The following UVSSA variants were observed in gnomAD, a reference collection of about 807,000 sequenced individuals.
UVSSA encodes the protein UV stimulated scaffold protein A.
Under a neutral mutation model 73.9 loss-of-function variants are expected in UVSSA, and 72 were observed. The ratio of observed to expected loss-of-function variants is 0.97; its 90% CI spans 0.81 to 1.19. UVSSA has a LOEUF of 1.19. Among genes scored for constraint, UVSSA ranks in the 50% most tolerant of loss-of-function variants. The pLI is 0.00. For missense variants in UVSSA, 1,150 were observed against 965.0 expected, an observed-to-expected ratio of 1.19 and a Z score of -2.54; for synonymous variants, 454 against 391.3, an observed-to-expected ratio of 1.16 and a Z score of -1.89.
At chr4:1,390,297 A>G (rs540270278), downstream of UVSSA, 9 of 151,812 alleles carry the variant, frequency 5.9e-5, no homozygotes, top group South Asian at 2.1e-4. Context: ...TCTGTTATTG[A>G]CTTCTTTTCT....
At chr4:1,344,790 T>C (rs1367153541), upstream of UVSSA, among the ~76,000 whole-genome samples, 1 of 152,038 alleles carries the variant, frequency 6.6e-6, no homozygotes, top group African/African-American at 2.4e-5. Context: ...GCACGGCAGG[T>C]TTAGAAAACG....
rs779133494 is a variant in UVSSA at position 1,353,178 on chromosome 4, C to G, written c.699C>G (p.Gly233=). The G allele has an allele frequency of 6.2e-7, 1 of 1,612,748 alleles. No homozygotes were observed. The highest frequency in any genetic ancestry group is 1.7e-5 in the Admixed American group (1 of 60,018). ...ATGCCCTTCGCTCCTCCTGCGCGGG[C>G]CAGGTGGGCCCCTGCCGGTCTGGCA... ...MSDALRSSCA[G]QVGPCRSGTP... The change falls in exon 5 of 14, where the codon GGC becomes GGG. Residue 233 remains glycine (G), a synonymous_variant. Coordinates refer to ENST00000389851, the MANE Select transcript of UVSSA (RefSeq NM_020894.4).
At position 1,395,536 on chromosome 4, in the gene UVSSA, C is replaced by T. The variant is rs760142417; in HGVS notation, c.*9575C>T. 6.2e-6 allele frequency: 10 copies of T among 1,603,872 alleles called. No individual in the cohort carries two copies. The highest frequency in any genetic ancestry group is 1.7e-5 in the Admixed American group (1 of 59,074). Reference sequence around the variant, plus strand: ...CACACATGCCGATGTGGAGTGCCCGCCTGCTCACACGTGCCCATGTGGAGT... The same window carrying T: ...CACACATGCCGATGTGGAGTGCCCGTCTGCTCACACGTGCCCATGTGGAGT... On this transcript the variant is annotated 3_prime_UTR_variant, in exon 14 of 14. Transcript: ENST00000511216.
At chr4:1,359,167 CCT>C (rs1486698230) in intron 7 of UVSSA, 1 of 152,260 alleles carries the variant, frequency 6.6e-6, no homozygotes, top group Non-Finnish European at 1.5e-5. Flanking sequence ...ATTTGGAGTG[CCT>C]CTGAGTGGCT....
At position 1,369,133 on chromosome 4, in the gene UVSSA, G is replaced by GTTCTGCCT. The variant is rs1251912534; in HGVS notation, c.1288+2709_1288+2710insTTTCTGCC. Among the ~76,000 whole-genome samples the GTTCTGCCT allele has an allele frequency of 6.6e-5, 10 of 151,358 alleles. No individual in the cohort carries two copies. The East Asian group carries it at 1.9e-3, about 29-fold the overall frequency. On this transcript the variant is annotated intron_variant, in intron 8 of 13. Transcript: ENST00000389851. Reference sequence around the variant, plus strand: ...GCTAACCACGTTCTGCCGTTCTGCCGTTCTGCCGTCAGCCTTGAAGGTGCC... The same window carrying GTTCTGCCT: ...GCTAACCACGTTCTGCCGTTCTGCCGTTCTGCCTTTCTGCCGTCAGCCTTGAAGGTGCC...
chr4:1,375,538 C>T lies in UVSSA; in HGVS notation c.1433+30C>T, dbSNP rs370947232. Reference sequence around the variant, plus strand: ...CTCCCAGTGTCCTGTGTGCTGAGCCCCCTGCCCGGCGCTGCCACAGCCTCT... The same window carrying T: ...CTCCCAGTGTCCTGTGTGCTGAGCCTCCTGCCCGGCGCTGCCACAGCCTCT... On this transcript the variant is annotated intron_variant, in intron 9 of 13. Coordinates refer to ENST00000389851, the MANE Select transcript of UVSSA (RefSeq NM_020894.4). 4.7e-5 allele frequency: 75 copies of T among 1,595,760 alleles called. No homozygotes were observed. The African/African-American group carries it at 8.1e-4, about 17-fold the overall frequency.
rs762346637 is a variant in UVSSA at position 1,355,265 on chromosome 4, G to A, written c.1176+20G>A. On this transcript the variant is annotated intron_variant, in intron 7 of 13. Transcript: ENST00000389851. Reference sequence around the variant, plus strand: ...CGCAGGGTGAGTGGGCAGGCGGCGAGCGGGAAGGGGTCCCAGAGGCCTCAG... The same window carrying A: ...CGCAGGGTGAGTGGGCAGGCGGCGAACGGGAAGGGGTCCCAGAGGCCTCAG... The A allele has an allele frequency of 1.3e-6, 2 of 1,597,834 alleles. No individual in the cohort carries two copies. The highest frequency in any genetic ancestry group is 1.1e-5 in the South Asian group (1 of 88,620).
chr4:1,351,967 C>G (rs1283145549), intron 4 of UVSSA, 132 bp downstream of exon 4: 2 of 1,408,850 alleles, frequency 1.4e-6, no homozygotes, highest in African/African-American at 1.4e-5. Context: ...GGAGAGGATT[C>G]AGGTCGGGCC....
chr4:1,374,743 A>T (rs1718541499), intron 8 of UVSSA, among the ~76,000 whole-genome samples: 1 of 152,168 alleles, frequency 6.6e-6, no homozygotes, highest in Non-Finnish European at 1.5e-5. Context: ...TGGCTGTCAG[A>T]GGCGCCTGCT....
At position 1,351,866 on chromosome 4, in the gene UVSSA, C is replaced by T. The variant is rs111997159; in HGVS notation, c.550+31C>T. ...TGTCCAGGACGGAGGGAGGGGCCCA[C>T]GCCTCTGAGGGTTGCCCGTGGTCCA... On this transcript the variant is annotated intron_variant, in intron 4 of 13. Transcript: ENST00000389851. 29 of 1,609,156 alleles carry T rather than the reference C, an allele frequency of 1.8e-5. No individual in the cohort carries two copies. The Admixed American group carries it at 2.0e-4, about 11-fold the overall frequency.
At chr4:1,379,761 GGCGTCAGAA>G (rs1719225200) in intron 10 of UVSSA, among the ~76,000 whole-genome samples, 1 of 151,348 alleles carries the variant, frequency 6.6e-6, no homozygotes. Context: ...TGGTTCACGT[GGCGTCAGAA>G]TTCAGACGCA....
Position 1,348,171 on chromosome 4 carries a change from A to G in UVSSA, c.80A>G (p.Glu27Gly), listed in dbSNP as rs1479032964. 6.2e-7 allele frequency: 1 copy of G among 1,613,824 alleles called. No homozygotes were observed. Among genetic ancestry groups the G allele is most frequent in the African/African-American group, 1.3e-5 (1 of 75,076 alleles). The change falls in exon 2 of 14, where the codon GAA becomes GGA. Residue 27 changes from glutamate to glycine, a missense_variant. Physicochemically the swap from Glu to Gly is moderately conservative, Grantham distance 98 (BLOSUM62 -2). Transcript: ENST00000389851. ...CGACTAAATCCTGAGAAAATGAAGG[A>G]ACTGAAGAAAATTTGCAAGTATGTC... ...EPRLNPEKMK[E>G]LKKICKSSEE...
chr4:1,362,390 T>C (rs956023773), intron 7 of UVSSA, among the ~76,000 whole-genome samples: 2 of 152,158 alleles, frequency 1.3e-5, no homozygotes, highest in African/African-American at 4.8e-5. Context: ...AGGGAAGGTG[T>C]GGGCACGGGT....
At chr4:1,374,381 C>G (rs1486013000) in intron 8 of UVSSA, among the ~76,000 whole-genome samples, 1 of 152,238 alleles carries the variant, frequency 6.6e-6, no homozygotes, top group Non-Finnish European at 1.5e-5. Flanking sequence ...GACCGAGAGG[C>G]GCCGTCAGGG....
At chr4:1,384,001 G>A in intron 13 of UVSSA, 61 bp downstream of exon 13, 1 of 1,520,048 alleles carries the variant, frequency 6.6e-7, no homozygotes, top group Admixed American at 2.2e-5. Flanking sequence ...GGTGTTCGAG[G>A]GGGGCCATCT....
At chr4:1,373,250 C>G (rs1036072423) in intron 8 of UVSSA, among the ~76,000 whole-genome samples, 6 of 152,198 alleles carry the variant, frequency 3.9e-5, no homozygotes, top group Admixed American at 6.5e-5. Flanking sequence ...GGCTGAGGAT[C>G]AAGGAGAGCC....
At chr4:1,352,727 G>T (rs923363062) in intron 4 of UVSSA, among the ~76,000 whole-genome samples, 1 of 152,236 alleles carries the variant, frequency 6.6e-6, no homozygotes, top group Non-Finnish European at 1.5e-5. Flanking sequence ...CAGGGCAGGC[G>T]GATCGCCTGA....
rs1715772597 is a variant in UVSSA, at chr4:1,356,426, C to CT, written c.1176+1182dup. Reference sequence around the variant, plus strand: ...TTGCTTTTCTCCTTTAAGTCCGAAACTGACTCCCGGAGAATTTATAGACAT... The same window carrying CT: ...TTGCTTTTCTCCTTTAAGTCCGAAACTTGACTCCCGGAGAATTTATAGACAT... On this transcript the variant is annotated intron_variant, in intron 7 of 13. Coordinates refer to ENST00000389851, the MANE Select transcript of UVSSA (RefSeq NM_020894.4). 2.0e-5 allele frequency among the ~76,000 whole-genome samples: 3 copies of CT among 152,356 alleles called. No homozygotes were observed. In the South Asian group the frequency reaches 6.2e-4, roughly 32 times the overall value.
At chr4:1,351,498 G>T in intron 3 of UVSSA, among the ~76,000 whole-genome samples, 1 of 151,270 alleles carries the variant, frequency 6.6e-6, no homozygotes, top group East Asian at 1.9e-4. Flanking sequence ...CCATTCTCCT[G>T]CCTCAATCTC....
Sources: allele counts gnomAD v4.1 joint callset (sites outside exome capture counted in the v4.1 genomes callset), GRCh38; gene constraint gnomAD v4.1.1; transcripts MANE v1.5; gene names NCBI Gene and HGNC (gene_info 2026-07-23, HGNC 2026-07-21).